Variants in CSMD1 observed in about 807,000 individuals in gnomAD.
CSMD1 encodes CUB and Sushi multiple domains 1.
In CSMD1, 213 loss-of-function variants were observed where a neutral mutation model predicts 417.5. The ratio of observed to expected loss-of-function variants is 0.51; its 90% confidence interval spans 0.46 to 0.57. The LOEUF (loss-of-function observed/expected upper bound fraction) is 0.57. CSMD1 is among the 20% of genes least tolerant of loss of function. The pLI, the probability that CSMD1 is intolerant of heterozygous loss-of-function variation, is 0.00. For missense variants in CSMD1, 6,923 were observed against 4,529.7 expected (o/e 1.53, Z -15.17); for synonymous variants, 2,862 against 1,736.8 (o/e 1.65, Z -16.11).
intron 1 of CSMD1, among the ~76,000 whole-genome samples, chr8:4,659,371 G>A (rs546438793): frequency 3.6e-4 from 55 of 152,216 alleles, no homozygotes; most frequent in South Asian, 8.3e-4. Context: ...AAAGATTAGA[G>A]CAGATATATT....
chr8:4,826,228 G>C (rs1258308225), intron 1 of CSMD1, among the ~76,000 whole-genome samples: 2 of 151,872 alleles, frequency 1.3e-5, no homozygotes, highest in Non-Finnish European at 1.5e-5. Flanking sequence ...AGACATGAAA[G>C]CAACCTAAAT....
chr8:3,733,887 G>C lies in CSMD1; in HGVS notation c.931+20043C>G, dbSNP rs759300450. Among the ~76,000 whole-genome samples the C allele has an allele frequency of 7.2e-5, 11 of 152,264 alleles. No individual in the cohort carries two copies. The East Asian group carries it at 1.2e-3, about 16-fold the overall frequency. On this transcript the variant is annotated intron_variant, in intron 6 of 69. Coordinates refer to ENST00000635120, the MANE Select transcript of CSMD1 (RefSeq NM_033225.6). Reference sequence around the variant, plus strand: ...AATTAAACTTTATCATGGGTACAAAGTACGAGAAAAGCATAGTTTATGTAG... The same window carrying C: ...AATTAAACTTTATCATGGGTACAAACTACGAGAAAAGCATAGTTTATGTAG...
chr8:4,572,445 C>T (rs1308298150), intron 2 of CSMD1, among the ~76,000 whole-genome samples: 1 of 152,126 alleles, frequency 6.6e-6, no homozygotes, highest in East Asian at 1.9e-4. Flanking sequence ...AATATTGGCC[C>T]CCACTCTCTT....
At chr8:4,194,889 T>C (rs1031339804) in intron 3 of CSMD1, among the ~76,000 whole-genome samples, 1 of 152,164 alleles carries the variant, frequency 6.6e-6, no homozygotes, top group Non-Finnish European at 1.5e-5. Flanking sequence ...GCCACATAAT[T>C]AGAACTGTTA....
chr8:4,087,853 C>T (rs867216635), intron 3 of CSMD1, among the ~76,000 whole-genome samples: 2 of 152,066 alleles, frequency 1.3e-5, no homozygotes, highest in Admixed American at 6.6e-5. Context: ...GCCTACCTTA[C>T]GTGACCTAGG....
chr8:4,591,606 G>C (rs954854902), intron 2 of CSMD1, among the ~76,000 whole-genome samples: 1 of 152,168 alleles, frequency 6.6e-6, no homozygotes, highest in Admixed American at 6.5e-5. Flanking sequence ...TCCAAGGGTA[G>C]TGATGGCGGA....
chr8:2,962,996 T>C (rs1803633650), intron 60 of CSMD1, among the ~76,000 whole-genome samples: 1 of 152,090 alleles, frequency 6.6e-6, no homozygotes, highest in South Asian at 2.1e-4. Flanking sequence ...TGCAGGGAGC[T>C]ATGATTGAAC....
chr8:3,919,088 A>G (rs913491767), intron 5 of CSMD1, among the ~76,000 whole-genome samples: 1 of 142,320 alleles, frequency 7.0e-6, no homozygotes, highest in Non-Finnish European at 1.5e-5. Context: ...GTGATTTTTC[A>G]TTTTGCAGAT....
At chr8:4,066,424 G>A (rs1255412466) in intron 3 of CSMD1, among the ~76,000 whole-genome samples, 3 of 152,194 alleles carry the variant, frequency 2.0e-5, no homozygotes, top group African/African-American at 7.2e-5. Context: ...ACACCACAGA[G>A]TGCCTTGCAC....
At chr8:4,355,055 G>A (rs555633972) in intron 3 of CSMD1, among the ~76,000 whole-genome samples, 8 of 151,950 alleles carry the variant, frequency 5.3e-5, no homozygotes, top group Admixed American at 4.6e-4. Flanking sequence ...GAGGTCAGGA[G>A]ATCGAGACCA....
chr8:4,803,412 G>C (rs188315140), intron 1 of CSMD1, among the ~76,000 whole-genome samples: 3 of 152,264 alleles, frequency 2.0e-5, no homozygotes, highest in Non-Finnish European at 4.4e-5. Flanking sequence ...ACCCAGTCTA[G>C]ATTTGTCTCT....
In CSMD1 at chr8:3,284,295, G is replaced by C. The variant is rs553052613; in HGVS notation, c.4002C>G (p.Val1334=). The C allele has an allele frequency of 2.0e-5, 33 of 1,613,940 alleles. No individual in the cohort carries two copies. The South Asian group carries it at 3.4e-4, about 17-fold the overall frequency. ...DTEMAHDILK[V]WDGPVDSDIL... is the part of the protein sequence containing the mutation. The stretch of plus-strand genomic sequence containing the variant: ...TGTCACTGTCCACCGGCCCGTCCCA[G>C]ACCTTGAGGATGTCGTGAGCCATCT... Residue 1334 remains valine (V), a synonymous_variant, in exon 26 of 70, where the codon GTC becomes GTG. Transcript: ENST00000635120.
intron 6 of CSMD1, among the ~76,000 whole-genome samples, chr8:3,736,630 T>C (rs989591286): frequency 6.6e-5 from 10 of 152,248 alleles, no homozygotes; most frequent in African/African-American, 1.9e-4. Context: ...GAGTGAATCT[T>C]TCTCATGCCC....
At chr8:4,563,722 T>G (rs1428944265) in intron 2 of CSMD1, among the ~76,000 whole-genome samples, 1 of 152,190 alleles carries the variant, frequency 6.6e-6, no homozygotes, top group Non-Finnish European at 1.5e-5. Context: ...ATTGCAACTG[T>G]AGAAAATGTG....
At chr8:3,506,978 G>A (rs1385140030) in intron 10 of CSMD1, among the ~76,000 whole-genome samples, 1 of 152,092 alleles carries the variant, frequency 6.6e-6, no homozygotes, top group Non-Finnish European at 1.5e-5. Context: ...GCTTATCTTT[G>A]ATATAGAGTT....
intron 6 of CSMD1, among the ~76,000 whole-genome samples, chr8:3,727,924 A>T (rs775600578): frequency 6.6e-6 from 1 of 152,166 alleles, no homozygotes; most frequent in Non-Finnish European, 1.5e-5. Context: ...AAATTCAAAG[A>T]GCGGCAGGGA....
At chr8:3,631,139 A>C (rs1266512451) in intron 7 of CSMD1, among the ~76,000 whole-genome samples, 1 of 152,084 alleles carries the variant, frequency 6.6e-6, no homozygotes, top group African/African-American at 2.4e-5. Context: ...CATCTGCAAA[A>C]TGGCCCTCCC....
intron 26 of CSMD1, among the ~76,000 whole-genome samples, chr8:3,267,202 G>C (rs1177126841): frequency 6.6e-6 from 1 of 152,090 alleles, no homozygotes; most frequent in Non-Finnish European, 1.5e-5. Flanking sequence ...AGAATTCCCA[G>C]GTAACAGGAG....
At chr8:4,719,074 A>G (rs1237422633) in intron 1 of CSMD1, among the ~76,000 whole-genome samples, 1 of 152,174 alleles carries the variant, frequency 6.6e-6, no homozygotes, top group East Asian at 1.9e-4. Context: ...GAGAGCTAGA[A>G]TTTTGTTTTA....
Sources: gnomAD v4.1 joint callset for allele counts (sites outside exome capture counted in the v4.1 genomes callset) on GRCh38, gnomAD v4.1.1 for gene constraint, MANE v1.5 for transcripts, NCBI Gene and HGNC (gene_info 2026-07-23, HGNC 2026-07-21) for gene names.